Variants in SORCS1 observed in about 807,000 individuals in gnomAD.
SORCS1 encodes VPS10 domain-containing receptor SorCS1.
A neutral mutation model predicts 146.1 loss-of-function variants in SORCS1; 60 were observed. The ratio of observed to expected loss-of-function variants is 0.41; its 90% CI spans 0.33 to 0.51. SORCS1 has a LOEUF of 0.51. Ranked by LOEUF, SORCS1 falls within the 20% of genes least tolerant of loss-of-function variation. The probability of loss-of-function intolerance (pLI) is 0.21; values close to 1 mark genes in which losing one functional copy is unlikely to be tolerated. For missense variants in SORCS1, 1,352 were observed against 1,487.6 expected, an observed-to-expected ratio of 0.91 and a Z score of 1.50; for synonymous variants, 637 against 584.0, an observed-to-expected ratio of 1.09 and a Z score of -1.31.
At chr10:106,961,901 G>A (rs1177952606) in intron 1 of SORCS1, among the ~76,000 whole-genome samples, 1 of 152,176 alleles carries the variant, frequency 6.6e-6, no homozygotes, top group Non-Finnish European at 1.5e-5. Flanking sequence ...TTGCCACTCT[G>A]CTATACATTG....
intron 24 of SORCS1, among the ~76,000 whole-genome samples, chr10:106,581,653 A>G (rs1284081714): frequency 1.3e-5 from 2 of 152,080 alleles, no homozygotes; most frequent in Admixed American, 1.3e-4. Context: ...CTCAGCTTCA[A>G]CAACCATCAA....
At chr10:106,634,757 C>G (rs542462775) in intron 18 of SORCS1, among the ~76,000 whole-genome samples, 2 of 151,906 alleles carry the variant, frequency 1.3e-5, no homozygotes, top group African/African-American at 4.8e-5. Flanking sequence ...ATGTTTAAGC[C>G]GTAAAGAAGA....
At chr10:106,686,095 A>T (rs1309711223) in intron 10 of SORCS1, among the ~76,000 whole-genome samples, 2 of 152,154 alleles carry the variant, frequency 1.3e-5, no homozygotes, top group Non-Finnish European at 1.5e-5. Flanking sequence ...TTACCTCAAA[A>T]TAAAGTTGAT....
chr10:107,005,201 T>C (rs1957387431), intron 1 of SORCS1, among the ~76,000 whole-genome samples: 1 of 152,082 alleles, frequency 6.6e-6, no homozygotes, highest in Non-Finnish European at 1.5e-5. Context: ...TGCTCGCACC[T>C]ATAATCCCAG....
intron 1 of SORCS1, among the ~76,000 whole-genome samples, chr10:107,003,071 C>G (rs963918785): frequency 1.3e-5 from 2 of 152,092 alleles, no homozygotes; most frequent in African/African-American, 4.8e-5. Context: ...GCCTGGCCAA[C>G]ATGGTGAAAC....
chr10:107,006,906 T>A (rs914057841), intron 1 of SORCS1, among the ~76,000 whole-genome samples: 3 of 144,864 alleles, frequency 2.1e-5, no homozygotes, highest in African/African-American at 8.8e-5. Flanking sequence ...TATATTTTCA[T>A]TTTTCAATGA....
intron 10 of SORCS1, among the ~76,000 whole-genome samples, chr10:106,687,303 G>A (rs1852925828): frequency 6.6e-6 from 1 of 151,966 alleles, no homozygotes; most frequent in African/African-American, 2.4e-5. Context: ...TCCTCCTTTT[G>A]GATGCCATCA....
intron 2 of SORCS1, among the ~76,000 whole-genome samples, chr10:106,926,624 A>C (rs950499351): frequency 6.6e-6 from 1 of 152,198 alleles, no homozygotes; most frequent in Admixed American, 6.5e-5. Flanking sequence ...TCATATCGTT[A>C]AAACTAACAA....
intron 2 of SORCS1, among the ~76,000 whole-genome samples, chr10:106,838,584 CTATTGATTCT>C (rs1397864037): frequency 6.6e-6 from 1 of 152,192 alleles, no homozygotes; most frequent in African/African-American, 2.4e-5. Flanking sequence ...GGTCCTCTTC[CTATTGATTCT>C]TCCTATTCCC....
intron 1 of SORCS1, among the ~76,000 whole-genome samples, chr10:107,004,084 G>A (rs1957333260): frequency 6.7e-6 from 1 of 149,846 alleles, no homozygotes; most frequent in Non-Finnish European, 1.5e-5. Context: ...GCTGAGGCAG[G>A]AGAATGGCGT....
intron 1 of SORCS1, among the ~76,000 whole-genome samples, chr10:107,053,960 T>G (rs2134067929): frequency 6.6e-6 from 1 of 152,296 alleles, no homozygotes; most frequent in South Asian, 2.1e-4. Context: ...TATTGCACAC[T>G]TTAGAATCCT....
chr10:106,782,197 T>C (rs1860947829), intron 3 of SORCS1, among the ~76,000 whole-genome samples: 1 of 152,210 alleles, frequency 6.6e-6, no homozygotes, highest in Admixed American at 6.5e-5. Flanking sequence ...GTTTATTCTG[T>C]CCTTTTGATT....
chr10:106,631,679 G>A (rs1848450706), intron 18 of SORCS1, among the ~76,000 whole-genome samples: 1 of 152,202 alleles, frequency 6.6e-6, no homozygotes, highest in Non-Finnish European at 1.5e-5. Context: ...TTTGCTAAAG[G>A]ACAGAGGGGA....
intron 20 of SORCS1, 35 bp from the exon 21 acceptor site, chr10:106,618,307 C>G (rs1277345809): frequency 6.2e-7 from 1 of 1,608,158 alleles, no homozygotes; most frequent in Admixed American, 1.7e-5. Flanking sequence ...GAAGGGAAAG[C>G]TCTTTAGTTA....
chr10:107,167,561 A>C, upstream of SORCS1, among the ~76,000 whole-genome samples: 1 of 152,188 alleles, frequency 6.6e-6, no homozygotes, highest in South Asian at 2.1e-4. Context: ...TCTACTCCAT[A>C]ATTGCACTGT....
intron 1 of SORCS1, among the ~76,000 whole-genome samples, chr10:107,117,959 G>A (rs1006158222): frequency 6.6e-6 from 1 of 152,070 alleles, no homozygotes; most frequent in Admixed American, 6.6e-5. Context: ...CTAATGGAAT[G>A]GAATGAATGT....
chr10:106,656,878 T>TTAGGTTCC (rs1471160641), intron 17 of SORCS1, among the ~76,000 whole-genome samples: 6 of 152,156 alleles, frequency 3.9e-5, no homozygotes, highest in Non-Finnish European at 7.4e-5. Flanking sequence ...GTTTTTGTTT[T>TTAGGTTCC]TAGGTTCCCC....
chr10:107,067,739 G>C (rs1962014593), intron 1 of SORCS1, among the ~76,000 whole-genome samples: 1 of 152,136 alleles, frequency 6.6e-6, no homozygotes. Context: ...GTGTGATCTT[G>C]AATAACTCAC....
chr10:106,937,985 A>G (rs891463080), intron 2 of SORCS1, among the ~76,000 whole-genome samples: 24 of 152,020 alleles, frequency 1.6e-4, no homozygotes, highest in African/African-American at 5.8e-4. Flanking sequence ...AAAAAAAAAA[A>G]AAAAAGAAAG....
Sources: gnomAD v4.1 joint callset for allele counts (sites outside exome capture counted in the v4.1 genomes callset) on GRCh38, gnomAD v4.1.1 for gene constraint, MANE v1.5 for transcripts, NCBI Gene and HGNC (gene_info 2026-07-23, HGNC 2026-07-21) for gene names.